PPIL3: variants seen among roughly 807,000 people sequenced by gnomAD.
PPIL3 encodes the protein peptidyl-prolyl cis-trans isomerase-like 3.
Under a neutral mutation model 20.9 loss-of-function variants are expected in PPIL3, and 13 were observed. The ratio of observed to expected loss-of-function variants is 0.62; its 90% CI spans 0.40 to 0.99. The LOEUF (loss-of-function observed/expected upper bound fraction) is 0.99. Ranked by LOEUF, PPIL3 falls within the 50% of genes least tolerant of loss-of-function variation. The pLI is 0.00. For missense variants in PPIL3, 170 were observed against 195.2 expected, an observed-to-expected ratio of 0.87 and a Z score of 0.77; for synonymous variants, 71 against 64.4, an observed-to-expected ratio of 1.10 and a Z score of -0.49.
At chr2:200,884,462 G>T (rs1160309742) in intron 3 of PPIL3, among the ~76,000 whole-genome samples, 3 of 152,194 alleles carry the variant, frequency 2.0e-5, no homozygotes, top group Non-Finnish European at 2.9e-5. Flanking sequence ...AACAGGCCAG[G>T]CATGGTGGCT....
chr2:200,882,523 C>G (rs986460679), intron 3 of PPIL3, 88 bp from the exon 4 acceptor site: 20 of 831,386 alleles, frequency 2.4e-5, no homozygotes, highest in Admixed American at 7.3e-5. Context: ...AACGTGATAG[C>G]AGCATATTTA....
chr2:200,880,160 T>A (rs972908009), intron 5 of PPIL3, among the ~76,000 whole-genome samples: 4 of 152,010 alleles, frequency 2.6e-5, no homozygotes, highest in African/African-American at 9.7e-5. Context: ...GGTGGGAGGA[T>A]CACCTGAGCC....
intron 5 of PPIL3, among the ~76,000 whole-genome samples, chr2:200,879,370 C>T (rs1356035611): frequency 1.3e-5 from 2 of 152,078 alleles, no homozygotes; most frequent in African/African-American, 2.4e-5. Context: ...CCGCCCGCCT[C>T]GGCCTCCCAA....
intron 6 of PPIL3, among the ~76,000 whole-genome samples, chr2:200,874,085 G>C (rs966500229): frequency 1.3e-4 from 20 of 151,292 alleles, no homozygotes; most frequent in Non-Finnish European, 2.9e-5. Context: ...GGCGCCTGTA[G>C]TCCCAGCTAC....
chr2:200,888,289 C>A (rs2040044427), intron 1 of PPIL3: 1 of 152,136 alleles, frequency 6.6e-6, no homozygotes, highest in African/African-American at 2.4e-5. Context: ...GGCTAATTTC[C>A]TCACCTCCAA....
chr2:200,877,623 T>C (rs1050940431), intron 5 of PPIL3: 6 of 152,240 alleles, frequency 3.9e-5, no homozygotes, highest in African/African-American at 1.4e-4. Flanking sequence ...CAAGGGAGGC[T>C]GGACTAGTTC....
At chr2:200,883,295 C>T (rs1008713986) in intron 3 of PPIL3, among the ~76,000 whole-genome samples, 1 of 151,880 alleles carries the variant, frequency 6.6e-6, no homozygotes, top group Non-Finnish European at 1.5e-5. Flanking sequence ...TTTTCTGAAT[C>T]TGAATACCTG....
In PPIL3 at chr2:200,871,481, A is replaced by G. The variant is rs149046856; in HGVS notation, c.400T>C (p.Leu134=). ...GLETLDELEK[L]PVNEKTYRPL... is the part of the protein sequence containing the mutation. ...CGGTATGTCTTCTCATTTACTGGCA[A>G]CTTCTCCAACTCATCTAGAGTTTCC... The change falls in exon 7 of 7, where the codon TTG becomes CTG. Residue 134 remains leucine, a synonymous_variant. Coordinates refer to ENST00000392283, the MANE Select transcript of PPIL3 (RefSeq NM_130906.3). 1.2e-4 allele frequency: 190 copies of G among 1,612,432 alleles called. 1 individual carries two copies. Among genetic ancestry groups the G allele is most frequent in the Non-Finnish European group, 6.5e-5 (77 of 1,178,666 alleles).
chr2:200,875,168 AG>A (rs747516759), intron 6 of PPIL3, among the ~76,000 whole-genome samples: 5 of 152,192 alleles, frequency 3.3e-5, no homozygotes, highest in Non-Finnish European at 5.9e-5. Context: ...TCTTACTCGG[AG>A]AAATCTAATT....
At chr2:200,887,367 A>G (rs1202782299) in intron 2 of PPIL3, among the ~76,000 whole-genome samples, 1 of 149,632 alleles carries the variant, frequency 6.7e-6, no homozygotes, top group Non-Finnish European at 1.5e-5. Context: ...CCTGGGAGAC[A>G]AGAGTGAAAC....
chr2:200,874,199 T>G (rs1217165102), intron 6 of PPIL3, among the ~76,000 whole-genome samples: 1 of 140,250 alleles, frequency 7.1e-6, no homozygotes, highest in African/African-American at 2.7e-5. Flanking sequence ...AGTGAGACTC[T>G]GTCTCAAAAA....
intron 6 of PPIL3, among the ~76,000 whole-genome samples, chr2:200,874,204 CAAAA>C (rs767177492): frequency 6.1e-5 from 4 of 65,626 alleles, no homozygotes; most frequent in Admixed American, 1.6e-4. Context: ...GACTCTGTCT[CAAAA>C]AAAAAAAAAA....
chr2:200,887,546 C>T (rs2039987414), intron 2 of PPIL3, 67 bp downstream of exon 2: 2 of 1,246,664 alleles, frequency 1.6e-6, no homozygotes, highest in African/African-American at 1.5e-5. Flanking sequence ...ACTTTTATTG[C>T]CCTTGACTGA....
chr2:200,871,344 A>G lies in PPIL3; in HGVS notation c.*51T>C. 6.4e-7 allele frequency: 1 copy of G among 1,553,760 alleles called. No homozygotes were observed. The highest frequency in any genetic ancestry group is 8.8e-7 in the Non-Finnish European group (1 of 1,138,150). Reference sequence around the variant, plus strand: ...ACATAATTAAAACCGGGTAAACCACAATAAGTGTGTTCCAGCAATTTGTCA... The same window carrying G: ...ACATAATTAAAACCGGGTAAACCACGATAAGTGTGTTCCAGCAATTTGTCA... On this transcript the variant is annotated 3_prime_UTR_variant, in exon 7 of 7. Transcript: ENST00000392283.
At chr2:200,882,557 T>G in intron 3 of PPIL3, 122 bp from the exon 4 acceptor site, 1 of 704,918 alleles carries the variant, frequency 1.4e-6, no homozygotes, top group Non-Finnish European at 2.6e-6. Flanking sequence ...GTCATTACTT[T>G]GGATGTCATT....
Position 200,888,628 on chromosome 2 carries a change from T to C in PPIL3, c.-71+328A>G, listed in dbSNP as rs10204951. On this transcript the variant is annotated intron_variant, in intron 1 of 6. Coordinates refer to ENST00000392283, the MANE Select transcript of PPIL3 (RefSeq NM_130906.3). ...TCCGCCTCCGCCTCCCGGGTTCAAGTGATTGTCGTGTCTCAGCCTCCCGAG... is the reference window on the plus strand; with the variant it reads ...TCCGCCTCCGCCTCCCGGGTTCAAGCGATTGTCGTGTCTCAGCCTCCCGAG... 1,340 of 224,200 alleles carry C rather than the reference T, an allele frequency of 6.0e-3. 22 individuals carry two copies. The highest frequency in any genetic ancestry group is 0.029 in the African/African-American group (1,264 of 43,138). 13.9% of individuals were successfully genotyped at this position (224,200 alleles called of 1,614,324 possible). A position where few individuals can be genotyped will look rare whatever the true frequency, so the allele number is the denominator to read the frequency against.
At chr2:200,876,810 A>T in intron 6 of PPIL3, 109 bp downstream of exon 6, 2 of 848,670 alleles carry the variant, frequency 2.4e-6, no homozygotes, top group South Asian at 3.1e-5. Context: ...GGTGTGAGGC[A>T]CTGCGCTCGG....
At position 200,887,665 on chromosome 2, in the gene PPIL3, A is replaced by G. The variant is rs750204177; in HGVS notation, c.-50T>C. On this transcript the variant is annotated 5_prime_UTR_variant, in exon 2 of 7. Coordinates refer to ENST00000392283, the MANE Select transcript of PPIL3 (RefSeq NM_130906.3). Reference sequence around the variant, plus strand: ...GGACTACGTGATTTCTCAGTCTTACAGCGAGCTCAAAAATAAGTCTCTAGT... The same window carrying G: ...GGACTACGTGATTTCTCAGTCTTACGGCGAGCTCAAAAATAAGTCTCTAGT... 1 of 1,550,518 alleles carries G rather than the reference A, an allele frequency of 6.4e-7. No homozygotes were observed. Among genetic ancestry groups the G allele is most frequent in the Non-Finnish European group, 8.8e-7 (1 of 1,142,808 alleles).
intron 5 of PPIL3, among the ~76,000 whole-genome samples, chr2:200,877,295 G>T (rs746547287): frequency 4.6e-5 from 7 of 152,124 alleles, no homozygotes; most frequent in Non-Finnish European, 1.0e-4. Flanking sequence ...ATATTTAAGG[G>T]AGCAAGAAAA....
Sources: gnomAD v4.1 joint callset for allele counts (sites outside exome capture counted in the v4.1 genomes callset) on GRCh38, gnomAD v4.1.1 for gene constraint, MANE v1.5 for transcripts, NCBI Gene and HGNC (gene_info 2026-07-23, HGNC 2026-07-21) for gene names.